Variants in RBPMS observed in about 807,000 individuals in gnomAD.
RBPMS encodes the protein RNA binding protein, mRNA processing factor, also known as RNA-binding protein with multiple splicing.
In RBPMS, 7 loss-of-function variants were observed where a neutral mutation model predicts 26.8. The ratio of observed to expected loss-of-function variants is 0.26; its 90% CI spans 0.15 to 0.49. The LOEUF is 0.49. Among genes scored for constraint, RBPMS ranks in the 20% least tolerant of loss-of-function variants. RBPMS has a pLI of 0.98. For missense variants in RBPMS, 186 were observed against 250.0 expected, an observed-to-expected ratio of 0.74 and a Z score of 1.73; for synonymous variants, 96 against 93.3, an observed-to-expected ratio of 1.03 and a Z score of -0.17.
chr8:30,451,377 T>C (rs747684983), intron 1 of RBPMS, among the ~76,000 whole-genome samples: 53 of 152,226 alleles, frequency 3.5e-4, no homozygotes, highest in Middle Eastern at 3.2e-3. Flanking sequence ...TCTGTACTCA[T>C]GGGGCTTTGT....
rs1416519697 is a variant in RBPMS, at chr8:30,389,825, G to A, written c.66+4667G>A. On this transcript the variant is annotated intron_variant, in intron 1 of 8. Coordinates refer to ENST00000397323, the MANE Select transcript of RBPMS (RefSeq NM_001008710.3). Reference sequence around the variant, plus strand: ...TTATATATAAATTCATATTTATTATGTATTATACATATGTGGTTATATACT... The same window carrying A: ...TTATATATAAATTCATATTTATTATATATTATACATATGTGGTTATATACT... Among the ~76,000 whole-genome samples, 4 of 151,974 alleles carry A rather than the reference G, an allele frequency of 2.6e-5. No individual in the cohort carries two copies. In the East Asian group the frequency reaches 5.8e-4, roughly 22 times the overall value.
chr8:30,432,053 G>A lies in RBPMS; in HGVS notation c.67-42726G>A, dbSNP rs367720392. On this transcript the variant is annotated intron_variant, in intron 1 of 8. Coordinates refer to ENST00000397323, the MANE Select transcript of RBPMS (RefSeq NM_001008710.3). Reference sequence around the variant, plus strand: ...TGAGGTGGGAGGATCACTTGAGCCCGAGATCAAGGCTGCAGTGAGCCATGA... The same window carrying A: ...TGAGGTGGGAGGATCACTTGAGCCCAAGATCAAGGCTGCAGTGAGCCATGA... 1.1e-4 allele frequency among the ~76,000 whole-genome samples: 17 copies of A among 152,092 alleles called. No individual in the cohort carries two copies. The East Asian group carries it at 3.1e-3, about 28-fold the overall frequency.
At chr8:30,549,628 A>G in intron 6 of RBPMS, 3 of 1,493,836 alleles carry the variant, frequency 2.0e-6, no homozygotes, top group Non-Finnish European at 2.8e-6. Flanking sequence ...TCACAGGAGG[A>G]GGGGCGGACG....
intron 5 of RBPMS, among the ~76,000 whole-genome samples, chr8:30,520,220 T>C (rs985328773): frequency 6.6e-6 from 1 of 152,198 alleles, no homozygotes; most frequent in African/African-American, 2.4e-5. Flanking sequence ...TACCCTGAAA[T>C]ACAGGTCATC....
At chr8:30,428,130 T>TCTCCTGC (rs1811559472) in intron 1 of RBPMS, among the ~76,000 whole-genome samples, 1 of 150,136 alleles carries the variant, frequency 6.7e-6, no homozygotes, top group Non-Finnish European at 1.5e-5. Context: ...TTCAAGCAAT[T>TCTCCTGC]CTCCTGCCTC....
At chr8:30,545,022 G>T in intron 6 of RBPMS, 1 of 1,422,224 alleles carries the variant, frequency 7.0e-7, no homozygotes, top group Non-Finnish European at 9.2e-7. Flanking sequence ...GCGTCTGTGC[G>T]TGTTTCTGTG....
chr8:30,441,332 G>C (rs1272437642), intron 1 of RBPMS, among the ~76,000 whole-genome samples: 1 of 152,080 alleles, frequency 6.6e-6, no homozygotes, highest in Non-Finnish European at 1.5e-5. Flanking sequence ...GTTTCTTCTT[G>C]ATTTTCAGCA....
chr8:30,531,401 G>GA (rs1824211631), intron 5 of RBPMS, among the ~76,000 whole-genome samples: 1 of 152,144 alleles, frequency 6.6e-6, no homozygotes, highest in Non-Finnish European at 1.5e-5. Context: ...CATTGCAACT[G>GA]AAAAAAGATT....
intron 6 of RBPMS, among the ~76,000 whole-genome samples, chr8:30,546,174 TCTGG>T (rs1825852254): frequency 1.3e-5 from 2 of 152,200 alleles, no homozygotes; most frequent in Non-Finnish European, 2.9e-5. Context: ...CCACCCCTGC[TCTGG>T]ATGGTGTCTC....
intron 1 of RBPMS, among the ~76,000 whole-genome samples, chr8:30,472,375 G>A (rs1465985494): frequency 1.3e-5 from 2 of 152,212 alleles, no homozygotes; most frequent in Admixed American, 6.5e-5. Flanking sequence ...AATATAAAGA[G>A]ATCAGAGCAG....
chr8:30,565,134 T>C (rs1314121900), intron 7 of RBPMS: 3 of 152,218 alleles, frequency 2.0e-5, no homozygotes, highest in African/African-American at 4.8e-5. Flanking sequence ...TTTCCTGTTC[T>C]CAAGTAACCC....
chr8:30,419,881 A>G (rs1390729742), intron 1 of RBPMS, among the ~76,000 whole-genome samples: 1 of 152,204 alleles, frequency 6.6e-6, no homozygotes, highest in Non-Finnish European at 1.5e-5. Context: ...AGCAATGAAA[A>G]ACAAATTTGC....
At chr8:30,464,868 A>G (rs766659159) in intron 1 of RBPMS, among the ~76,000 whole-genome samples, 62 of 152,330 alleles carry the variant, frequency 4.1e-4, no homozygotes, top group Non-Finnish European at 6.5e-4. Flanking sequence ...TTTTGACATT[A>G]AACTTCAGGG....
intron 5 of RBPMS, among the ~76,000 whole-genome samples, chr8:30,509,851 G>A (rs1821404784): frequency 6.6e-6 from 1 of 152,004 alleles, no homozygotes; most frequent in South Asian, 2.1e-4. Flanking sequence ...AATCCTACAT[G>A]CTTCTCAGAA....
intron 6 of RBPMS, chr8:30,547,186 T>A: frequency 1.2e-6 from 1 of 814,672 alleles, no homozygotes; most frequent in East Asian, 2.5e-5. Context: ...GAATTCAGTC[T>A]TTGTTTTGGA....
chr8:30,416,982 T>C (rs1585391399), intron 1 of RBPMS, among the ~76,000 whole-genome samples: 1 of 151,860 alleles, frequency 6.6e-6, no homozygotes, highest in African/African-American at 2.4e-5. Context: ...GTTGGCTAGG[T>C]GGGTTTTGAA....
chr8:30,512,098 C>T (rs924587229), intron 5 of RBPMS, among the ~76,000 whole-genome samples: 1 of 152,056 alleles, frequency 6.6e-6, no homozygotes, highest in Non-Finnish European at 1.5e-5. Context: ...GAAGATTGGG[C>T]CTTGCTATGT....
chr8:30,560,228 T>C (rs1450065536), intron 7 of RBPMS, among the ~76,000 whole-genome samples: 1 of 152,138 alleles, frequency 6.6e-6, no homozygotes, highest in Non-Finnish European at 1.5e-5. Context: ...ACCTTCAAGA[T>C]CTGGGAGGAC....
At chr8:30,442,083 C>T (rs540267731) in intron 1 of RBPMS, among the ~76,000 whole-genome samples, 16 of 152,088 alleles carry the variant, frequency 1.1e-4, no homozygotes, top group Non-Finnish European at 2.1e-4. Flanking sequence ...CCACCGCGCC[C>T]GGCCTATTTT....
Sources: allele counts gnomAD v4.1 joint callset (sites outside exome capture counted in the v4.1 genomes callset), GRCh38; gene constraint gnomAD v4.1.1; transcripts MANE v1.5; gene names NCBI Gene and HGNC (gene_info 2026-07-23, HGNC 2026-07-21).